The following SDK1 variants were observed in gnomAD, a reference collection of about 807,000 sequenced individuals.
The protein encoded by SDK1 is sidekick cell adhesion molecule 1, also known as protein sidekick-1.
Under a neutral mutation model 245.5 loss-of-function variants are expected in SDK1, and 157 were observed. The observed-to-expected ratio is 0.64, with a 90% CI of 0.56 to 0.73. The LOEUF is 0.73. Ranked by LOEUF, SDK1 falls within the 30% of genes least tolerant of loss-of-function variation. SDK1 has a pLI of 0.00. For synonymous variants in SDK1, 1,647 were observed against 1,278.5 expected (o/e 1.29, Z -6.15); for missense variants, 3,583 against 3,002.3 (o/e 1.19, Z -4.52).
At chr7:3,358,585 A>G (rs900299155) in intron 1 of SDK1, among the ~76,000 whole-genome samples, 1 of 152,164 alleles carries the variant, frequency 6.6e-6, no homozygotes, top group African/African-American at 2.4e-5. Flanking sequence ...GACTCAAAAA[A>G]TTTTTCTGTA....
chr7:3,538,275 GATGTT>G (rs773190793), intron 1 of SDK1, among the ~76,000 whole-genome samples: 3 of 152,126 alleles, frequency 2.0e-5, no homozygotes, highest in Non-Finnish European at 2.9e-5. Flanking sequence ...CCACTGCTGT[GATGTT>G]TTCCAGCTGT....
At chr7:3,432,922 T>C (rs1325981055) in intron 1 of SDK1, among the ~76,000 whole-genome samples, 1 of 152,238 alleles carries the variant, frequency 6.6e-6, no homozygotes, top group East Asian at 1.9e-4. Flanking sequence ...TACAGATTCA[T>C]AGCATGTTAT....
At chr7:3,775,992 A>G (rs1013824153) in intron 4 of SDK1, among the ~76,000 whole-genome samples, 3 of 152,242 alleles carry the variant, frequency 2.0e-5, no homozygotes, top group African/African-American at 7.2e-5. Flanking sequence ...ACCAGTCCCT[A>G]ACTGTGATCC....
At chr7:3,686,156 A>G (rs1372436914) in intron 4 of SDK1, among the ~76,000 whole-genome samples, 1 of 152,164 alleles carries the variant, frequency 6.6e-6, no homozygotes, top group African/African-American at 2.4e-5. Context: ...GCCCACTGCA[A>G]CCTCTACCTC....
intron 44 of SDK1, among the ~76,000 whole-genome samples, chr7:4,264,319 TGAGG>T (rs1788290315): frequency 7.9e-6 from 1 of 126,286 alleles, no homozygotes; most frequent in Admixed American, 8.2e-5. Context: ...CTCTCCTGAG[TGAGG>T]GAGGCCGCGT....
chr7:4,056,625 G>A (rs948907871), intron 19 of SDK1, among the ~76,000 whole-genome samples: 51 of 152,100 alleles, frequency 3.4e-4, no homozygotes, highest in African/African-American at 1.2e-3. Context: ...TGCAATCCGA[G>A]CCACAGGAAA....
chr7:3,659,894 G>T (rs1329294076), intron 4 of SDK1, among the ~76,000 whole-genome samples: 2 of 152,218 alleles, frequency 1.3e-5, no homozygotes, highest in African/African-American at 4.8e-5. Flanking sequence ...GATTTGGGAT[G>T]TAGTGGAGTT....
chr7:3,447,312 C>CT (rs769465868), intron 1 of SDK1, among the ~76,000 whole-genome samples: 1 of 152,104 alleles, frequency 6.6e-6, no homozygotes, highest in Non-Finnish European at 1.5e-5. Flanking sequence ...TTTACCCTAG[C>CT]TGATTGTGTA....
intron 1 of SDK1, among the ~76,000 whole-genome samples, chr7:3,575,691 G>T (rs1238923329): frequency 6.6e-6 from 1 of 151,842 alleles, no homozygotes; most frequent in African/African-American, 2.4e-5. Flanking sequence ...AAGGTTTGGG[G>T]GATCAACTTA....
rs1056288750 is a variant in SDK1 at position 4,265,727 on chromosome 7, G to T, written c.*343G>T. ...TCCGTCTTCAAGACCAACTAGGAAG[G>T]GTCAAGCGGGGAGAGGGAGTGGAGG... On this transcript the variant is annotated 3_prime_UTR_variant, in exon 45 of 45. Transcript: ENST00000404826. The T allele has an allele frequency of 1.4e-5, 15 of 1,076,226 alleles. No individual in the cohort carries two copies. The highest frequency in any genetic ancestry group is 1.7e-5 in the African/African-American group (1 of 59,568). The allele number at this position is 1,076,226 out of a possible 1,614,324, so 66.7% of individuals were successfully genotyped here.
At chr7:4,149,014 C>A (rs555617332) in intron 29 of SDK1, among the ~76,000 whole-genome samples, 1 of 152,142 alleles carries the variant, frequency 6.6e-6, no homozygotes, top group African/African-American at 2.4e-5. Context: ...TGAGATCACG[C>A]CACTGCACTC....
intron 38 of SDK1, among the ~76,000 whole-genome samples, chr7:4,217,112 C>T (rs1461966029): frequency 1.8e-5 from 1 of 54,626 alleles, no homozygotes; most frequent in African/African-American, 8.0e-5. Context: ...CCAGGCCACC[C>T]GGAGCACCAC....
intron 5 of SDK1, among the ~76,000 whole-genome samples, chr7:3,828,922 A>T (rs1583456461): frequency 6.6e-6 from 1 of 151,816 alleles, no homozygotes. Context: ...CTCCCAAACC[A>T]CTGGGATTAC....
chr7:3,713,421 G>A (rs60785114), intron 4 of SDK1, among the ~76,000 whole-genome samples: 2,247 of 152,258 alleles, frequency 0.015, 60 homozygotes, highest in African/African-American at 0.052. Flanking sequence ...AAGGTGGAGA[G>A]AGGGGAAAAG....
Position 3,969,374 on chromosome 7 carries a change from C to T in SDK1, c.1664C>T (p.Ala555Val), listed in dbSNP as rs571793069. The T allele has an allele frequency of 1.5e-4, 234 of 1,610,376 alleles. 4 individuals are homozygous for T. The South Asian group carries it at 2.3e-3, about 16-fold the overall frequency. Reference protein sequence around the residue: ...IQDAGNYTCYAANTEGSLNAS... With the variant: ...IQDAGNYTCYVANTEGSLNAS... ...GATGCCGGCAACTACACCTGCTATGCGGCCAACACAGAGGGCTCCCTGAAT... is the reference window on the plus strand; with the variant it reads ...GATGCCGGCAACTACACCTGCTATGTGGCCAACACAGAGGGCTCCCTGAAT... Residue 555 changes from alanine (A) to valine (V), a missense_variant, in exon 11 of 45, where the codon GCG becomes GTG. Ala to Val is a moderately conservative substitution (Grantham distance 64). Coordinates refer to ENST00000404826, the MANE Select transcript of SDK1 (RefSeq NM_152744.4).
At chr7:4,198,024 C>G (rs185291096) in intron 35 of SDK1, among the ~76,000 whole-genome samples, 2 of 152,358 alleles carry the variant, frequency 1.3e-5, no homozygotes, top group East Asian at 1.9e-4. Context: ...CCCACTGCAT[C>G]TAAGGCAGCG....
intron 1 of SDK1, among the ~76,000 whole-genome samples, chr7:3,431,432 G>C (rs1190608438): frequency 8.3e-6 from 1 of 120,538 alleles, no homozygotes; most frequent in East Asian, 2.6e-4. Flanking sequence ...GCTGATTTTT[G>C]TAGATGATTA....
chr7:4,164,554 C>G (rs918930952), intron 32 of SDK1, among the ~76,000 whole-genome samples: 2 of 152,242 alleles, frequency 1.3e-5, no homozygotes, highest in Admixed American at 6.5e-5. Flanking sequence ...TTGTACCATG[C>G]TGAATCCTAC....
At chr7:3,852,462 T>G (rs1330668425) in intron 5 of SDK1, among the ~76,000 whole-genome samples, 1 of 151,824 alleles carries the variant, frequency 6.6e-6, no homozygotes, top group Non-Finnish European at 1.5e-5. Context: ...AAAAGTTTTT[T>G]TTTGGCCGGG....
Sources: gnomAD v4.1 joint callset for allele counts (sites outside exome capture counted in the v4.1 genomes callset) on GRCh38, gnomAD v4.1.1 for gene constraint, MANE v1.5 for transcripts, NCBI Gene and HGNC (gene_info 2026-07-23, HGNC 2026-07-21) for gene names.